ABCA13: variants seen among roughly 807,000 people sequenced by gnomAD.
ABCA13 encodes ATP binding cassette subfamily A member 13, also known as ATP-binding cassette sub-family A member 13.
ABCA13 carries 476 observed loss-of-function variants against 478.7 expected under a neutral mutation model. The ratio of observed to expected loss-of-function variants is 0.99; its 90% CI spans 0.92 to 1.07. ABCA13 has a LOEUF of 1.07. ABCA13 is among the 50% of genes least tolerant of loss of function. The probability of loss-of-function intolerance (pLI) is 0.00; values close to 1 mark genes in which losing one functional copy is unlikely to be tolerated. For synonymous variants in ABCA13, 2,252 were observed against 2,158.9 expected (o/e 1.04, Z -1.20); for missense variants, 6,060 against 5,910.6 (o/e 1.03, Z -0.83).
At chr7:48,619,657 C>T (rs1487896219) in intron 59 of ABCA13, among the ~76,000 whole-genome samples, 2 of 152,122 alleles carry the variant, frequency 1.3e-5, no homozygotes, top group Non-Finnish European at 2.9e-5. Context: ...GAAAAGGTAT[C>T]AACTAGAGTG....
intron 59 of ABCA13, among the ~76,000 whole-genome samples, chr7:48,633,828 G>T (rs554815280): frequency 6.6e-6 from 1 of 152,048 alleles, no homozygotes; most frequent in African/African-American, 2.4e-5. Flanking sequence ...GACAGAAATT[G>T]CAGTGAGCCA....
At chr7:48,542,491 C>T (rs1834006109) in intron 55 of ABCA13, among the ~76,000 whole-genome samples, 1 of 151,106 alleles carries the variant, frequency 6.6e-6, no homozygotes, top group African/African-American at 2.4e-5. Context: ...CACTTAAATA[C>T]CCAAGAAGAT....
At chr7:48,485,698 C>T (rs1370743414) in intron 47 of ABCA13, among the ~76,000 whole-genome samples, 2 of 152,134 alleles carry the variant, frequency 1.3e-5, no homozygotes, top group African/African-American at 4.8e-5. Context: ...AACTGCAAAC[C>T]GTTAGTAGCA....
chr7:48,613,997 C>T (rs1792289065), intron 58 of ABCA13, among the ~76,000 whole-genome samples: 5 of 148,252 alleles, frequency 3.4e-5, no homozygotes, highest in Non-Finnish European at 7.5e-5. Flanking sequence ...TATTAAAATA[C>T]AACTTATTTA....
In ABCA13 at chr7:48,314,138, A is replaced by AT. The variant is rs1261940222; in HGVS notation, c.9682-92dup. The AT allele has an allele frequency of 3.8e-6, 5 of 1,327,730 alleles. No homozygotes were observed. The African/African-American group carries it at 5.9e-5, about 16-fold the overall frequency. The allele number at this position is 1,327,730 out of a possible 1,614,324, so 82.2% of individuals were successfully genotyped here. A position where few individuals can be genotyped will look rare whatever the true frequency, so the allele number is the denominator to read the frequency against. Reference sequence around the variant, plus strand: ...TTTTGACTTGTTGAATATCTTGTACATTCAGTGGAGGAAGGAACTAGACTT... The same window carrying AT: ...TTTTGACTTGTTGAATATCTTGTACATTTCAGTGGAGGAAGGAACTAGACTT... On this transcript the variant is annotated intron_variant, in intron 25 of 61. Coordinates refer to ENST00000435803, the MANE Select transcript of ABCA13 (RefSeq NM_152701.5).
intron 32 of ABCA13, among the ~76,000 whole-genome samples, chr7:48,368,913 A>C (rs1046710767): frequency 6.6e-6 from 1 of 151,022 alleles, no homozygotes; most frequent in Non-Finnish European, 1.5e-5. Context: ...TCATGTAATG[A>C]CTTCAGGAGT....
chr7:48,220,585 A>G (rs1323445580), intron 4 of ABCA13, among the ~76,000 whole-genome samples: 1 of 152,156 alleles, frequency 6.6e-6, no homozygotes, highest in Admixed American at 6.5e-5. Context: ...AAGAGACAAA[A>G]TAGCACCTTT....
chr7:48,627,429 C>G (rs1332055704), intron 59 of ABCA13, among the ~76,000 whole-genome samples: 1 of 152,116 alleles, frequency 6.6e-6, no homozygotes, highest in Non-Finnish European at 1.5e-5. Context: ...AACAGACTAT[C>G]TTCTTTTAAA....
intron 48 of ABCA13, among the ~76,000 whole-genome samples, chr7:48,491,332 CAGA>C (rs1188446720): frequency 1.5e-4 from 23 of 152,144 alleles, no homozygotes; most frequent in African/African-American, 7.2e-5. Context: ...AGGCTCAGAA[CAGA>C]AGAAGGCTAT....
In ABCA13 at chr7:48,274,815, GCAGACAGCTCA is replaced by G. The variant is rs1796080861; in HGVS notation, c.5152_5162del (p.Asp1718PhefsTer5). ...GCTTGTTGGCTTGATGGAAAAATTT[GCAGACAGCTCA>G]CATTCTTGGAATGTTAATCATCTGC... On this transcript the variant is annotated frameshift_variant, in exon 17 of 62. Coordinates refer to ENST00000435803, the MANE Select transcript of ABCA13 (RefSeq NM_152701.5). LOFTEE classifies it high-confidence loss of function. 2 of 1,613,806 alleles carry G rather than the reference GCAGACAGCTCA, an allele frequency of 1.2e-6. No individual in the cohort carries two copies. The highest frequency in any genetic ancestry group is 2.2e-5 in the East Asian group (1 of 44,888).
chr7:48,594,124 A>G (rs1790043869), intron 57 of ABCA13, among the ~76,000 whole-genome samples: 1 of 152,080 alleles, frequency 6.6e-6, no homozygotes, highest in Admixed American at 6.5e-5. Context: ...TGTTTCAGCC[A>G]TTATTTATTT....
rs147382746 is a variant in ABCA13, at chr7:48,179,912, C to T, written c.69+8360C>T. Among the ~76,000 whole-genome samples, 1,320 of 152,248 alleles carry T rather than the reference C, an allele frequency of 8.7e-3. 19 individuals are homozygous for T. The highest frequency in any genetic ancestry group is 0.03 in the African/African-American group (1,239 of 41,548). On this transcript the variant is annotated intron_variant, in intron 1 of 61. Coordinates refer to ENST00000435803, the MANE Select transcript of ABCA13 (RefSeq NM_152701.5). ...GGACATCAGTCCTATTTCCCACACTCCTGCGTGACAGAACTTCTTACTCCC... is the reference window on the plus strand; with the variant it reads ...GGACATCAGTCCTATTTCCCACACTTCTGCGTGACAGAACTTCTTACTCCC...
In ABCA13 at chr7:48,543,631, T is replaced by TAAAAAATAA. The variant is rs546868567; in HGVS notation, c.14354+15300_14354+15308dup. Among the ~76,000 whole-genome samples, 324 of 150,338 alleles carry TAAAAAATAA rather than the reference T, an allele frequency of 2.2e-3. 4 individuals carry two copies. Among genetic ancestry groups the TAAAAAATAA allele is most frequent in the Non-Finnish European group, 3.5e-3 (234 of 67,358 alleles). ...AGAGGGAGACTCCATCTCAAAAAAG[T>TAAAAAATAA]AAAAAATAAAAAAAATAAAAAATAG... On this transcript the variant is annotated intron_variant, in intron 55 of 61. Transcript: ENST00000435803.
At chr7:48,224,535 A>G (rs1453656378) in intron 5 of ABCA13, among the ~76,000 whole-genome samples, 1 of 152,206 alleles carries the variant, frequency 6.6e-6, no homozygotes, top group Non-Finnish European at 1.5e-5. Flanking sequence ...GTTGCAGTGA[A>G]CCTTCTCCAG....
chr7:48,369,558 T>A (rs1006412613), intron 32 of ABCA13, among the ~76,000 whole-genome samples: 2 of 152,178 alleles, frequency 1.3e-5, no homozygotes, highest in African/African-American at 4.8e-5. Context: ...CACCTTGAGT[T>A]GATTTTTGTA....
Position 48,276,530 on chromosome 7 carries a change from G to A in ABCA13, c.6864G>A (p.Leu2288=). 2 of 1,611,834 alleles carry A rather than the reference G, an allele frequency of 1.2e-6. No individual in the cohort carries two copies. The highest frequency in any genetic ancestry group is 1.7e-6 in the Non-Finnish European group (2 of 1,179,558). The change falls in exon 17 of 62, where the codon CTG becomes CTA. Residue 2288 remains leucine (L), a synonymous_variant. Transcript: ENST00000435803. ...CTGAGAACAAAATATCTCTTCTGCT[G>A]AAATATTTCCACAAAGATGTTATTG... is the stretch of plus-strand genomic sequence containing the variant. ...EDSENKISLL[L]KYFHKDVIAE...
At chr7:48,218,053 A>C (rs1786760590) in intron 3 of ABCA13, among the ~76,000 whole-genome samples, 1 of 152,148 alleles carries the variant, frequency 6.6e-6, no homozygotes, top group African/African-American at 2.4e-5. Flanking sequence ...TTTTCTATGT[A>C]TTTTTCTGCT....
intron 55 of ABCA13, among the ~76,000 whole-genome samples, chr7:48,549,851 G>C (rs750923410): frequency 3.5e-4 from 53 of 151,836 alleles, no homozygotes; most frequent in Non-Finnish European, 6.8e-4. Context: ...TTGGCCAGTT[G>C]AATGTCTTCT....
intron 1 of ABCA13, among the ~76,000 whole-genome samples, chr7:48,178,256 G>C (rs1795152338): frequency 6.6e-6 from 1 of 152,208 alleles, no homozygotes; most frequent in Non-Finnish European, 1.5e-5. Flanking sequence ...TTGAAGGGCA[G>C]TGAGGGAAAT....
Sources: allele counts gnomAD v4.1 joint callset (sites outside exome capture counted in the v4.1 genomes callset), GRCh38; gene constraint gnomAD v4.1.1; transcripts MANE v1.5; gene names NCBI Gene and HGNC (gene_info 2026-07-23, HGNC 2026-07-21).